PGPEP1L: variants seen among roughly 807,000 people sequenced by gnomAD.
PGPEP1L encodes the protein pyroglutamyl-peptidase 1-like protein.
In PGPEP1L, 7 loss-of-function variants were observed where a neutral mutation model predicts 6.0. The observed-to-expected ratio is 1.17, with a 90% CI of 0.66 to 2.19. The LOEUF is 2.19. Among genes scored for constraint, PGPEP1L ranks in the 30% most tolerant of loss-of-function variants. PGPEP1L has a pLI of 0.00. For synonymous variants in PGPEP1L, 103 were observed against 83.9 expected (o/e 1.23, Z -1.24); for missense variants, 209 against 192.5 (o/e 1.09, Z -0.51).
rs1422795039 is a variant in PGPEP1L, at chr15:98,987,186, AAAAAAAAAAG to A, written c.-141-16038_-141-16029del. 5.7e-4 allele frequency among the ~76,000 whole-genome samples: 85 copies of A among 150,432 alleles called. 1 individual carries two copies. Among genetic ancestry groups the A allele is most frequent in the African/African-American group, 1.9e-3 (77 of 40,374 alleles). ...ATCTCAAAAAAAAAAAAAAAAAAAAAAAAAAAAAAGAGAGCCAATTTAATTTTTGATATTC... is the reference window on the plus strand; with the variant it reads ...ATCTCAAAAAAAAAAAAAAAAAAAAAAGAGCCAATTTAATTTTTGATATTC... On this transcript the variant is annotated intron_variant, in intron 2 of 4. Transcript: ENST00000535714.
At chr15:98,982,700 C>CTTTTTTTTGTTTTTTTTTTTTTTTT (rs2017682979) in intron 2 of PGPEP1L, among the ~76,000 whole-genome samples, 1 of 52,458 alleles carries the variant, frequency 1.9e-5, no homozygotes, top group Non-Finnish European at 4.2e-5. Flanking sequence ...TTATCTGAGG[C>CTTTTTTTTGTTTTTTTTTTTTTTTT]TTTTTTTTTT....
chr15:99,004,546 C>T (rs2018020514), intron 2 of PGPEP1L, among the ~76,000 whole-genome samples: 1 of 152,012 alleles, frequency 6.6e-6, no homozygotes, highest in African/African-American at 2.4e-5. Context: ...GGTGAAACCC[C>T]ATCTCTACTA....
chr15:98,969,662 G>T lies in PGPEP1L; in HGVS notation c.-18-11C>A. On this transcript the variant is annotated splice_polypyrimidine_tract_variant and intron_variant, in intron 3 of 4. Coordinates refer to ENST00000535714, the MANE Select transcript of PGPEP1L (RefSeq NM_001167902.2). ...CACATGCACGACGAGCTGTGTGAAC[G>T]GGTAACAGCAGAGAGAACCCAGGAA... 2 of 1,608,004 alleles carry T rather than the reference G, an allele frequency of 1.2e-6. No homozygotes were observed.
rs1423796436 is a variant in PGPEP1L at position 98,971,212 on chromosome 15, G to A, written c.-141-54C>T. 8 of 410,216 alleles carry A rather than the reference G, an allele frequency of 2.0e-5. 1 individual carries two copies. Among genetic ancestry groups the A allele is most frequent in the East Asian group, 4.7e-5 (1 of 21,324 alleles). The allele number at this position is 410,216 out of a possible 1,614,324, so 25.4% of individuals were successfully genotyped here. ...CAGTTGATGGGGGGGGGGGGGGGGT[G>A]GGCACCAAGAGTCCCTGAAAACCCA... is the stretch of plus-strand genomic sequence containing the variant. On this transcript the variant is annotated intron_variant, in intron 2 of 4. Coordinates refer to ENST00000535714, the MANE Select transcript of PGPEP1L (RefSeq NM_001167902.2).
chr15:99,007,000 G>A (rs1437009757), intron 1 of PGPEP1L, among the ~76,000 whole-genome samples: 1 of 152,090 alleles, frequency 6.6e-6, no homozygotes, highest in Non-Finnish European at 1.5e-5. Context: ...GGCTCCATCT[G>A]CTGAATTGTC....
intron 1 of PGPEP1L, among the ~76,000 whole-genome samples, chr15:99,006,777 GAC>G (rs1455932188): frequency 6.7e-6 from 1 of 150,044 alleles, no homozygotes; most frequent in African/African-American, 2.5e-5. Flanking sequence ...CACCCTGGGT[GAC>G]AGAGTGAGAC....
At chr15:99,006,359 CCTT>C (rs2018061815) in intron 1 of PGPEP1L, among the ~76,000 whole-genome samples, 1 of 152,238 alleles carries the variant, frequency 6.6e-6, no homozygotes, top group Non-Finnish European at 1.5e-5. Context: ...GTGCTGGACT[CCTT>C]AAACATGCCA....
At chr15:98,990,421 A>C (rs781885290) in intron 2 of PGPEP1L, among the ~76,000 whole-genome samples, 23 of 152,234 alleles carry the variant, frequency 1.5e-4, no homozygotes, top group Admixed American at 8.5e-4. Context: ...AACCATCTTA[A>C]ATACATATGC....
At chr15:98,979,946 C>T (rs766629756) in intron 2 of PGPEP1L, among the ~76,000 whole-genome samples, 11 of 152,128 alleles carry the variant, frequency 7.2e-5, no homozygotes, top group Non-Finnish European at 1.5e-4. Flanking sequence ...GAAAACCAAA[C>T]ACCATATGTC....
At chr15:98,983,667 G>C (rs1455739578) in intron 2 of PGPEP1L, among the ~76,000 whole-genome samples, 2 of 152,196 alleles carry the variant, frequency 1.3e-5, no homozygotes, top group Non-Finnish European at 2.9e-5. Flanking sequence ...TGTAAAACTT[G>C]AGACTAAGAA....
At chr15:98,981,507 CAA>C in intron 2 of PGPEP1L, among the ~76,000 whole-genome samples, 1 of 128,888 alleles carries the variant, frequency 7.8e-6, no homozygotes, top group African/African-American at 3.1e-5. Flanking sequence ...AAAAAAAAAA[CAA>C]AAACAAAACA....
At chr15:98,993,631 G>C (rs1242815021) in intron 2 of PGPEP1L, among the ~76,000 whole-genome samples, 1 of 149,196 alleles carries the variant, frequency 6.7e-6, no homozygotes, top group Non-Finnish European at 1.5e-5. Flanking sequence ...GAGAACACAT[G>C]GACACAGGGG....
chr15:99,004,443 G>A (rs578113734), intron 2 of PGPEP1L, among the ~76,000 whole-genome samples: 74 of 151,496 alleles, frequency 4.9e-4, no homozygotes, highest in African/African-American at 1.4e-3. Flanking sequence ...AATAGGGCCA[G>A]GCGCAGTGGC....
intron 2 of PGPEP1L, among the ~76,000 whole-genome samples, chr15:98,995,701 A>G (rs2017878228): frequency 6.6e-6 from 1 of 152,190 alleles, no homozygotes; most frequent in South Asian, 2.1e-4. Flanking sequence ...GTCTCTAAAT[A>G]AACTCTACAA....
At chr15:98,980,342 G>C (rs757338540) in intron 2 of PGPEP1L, among the ~76,000 whole-genome samples, 60 of 152,314 alleles carry the variant, frequency 3.9e-4, no homozygotes, top group Non-Finnish European at 6.5e-4. Context: ...AAGGGAGGAG[G>C]GGGGAGGAAA....
intron 2 of PGPEP1L, among the ~76,000 whole-genome samples, chr15:98,976,180 CACTT>C (rs1011489597): frequency 2.1e-4 from 32 of 152,168 alleles, no homozygotes; most frequent in Admixed American, 1.2e-3. Context: ...TACTTAATGC[CACTT>C]ACTTGTACAC....
intron 2 of PGPEP1L, among the ~76,000 whole-genome samples, chr15:98,999,384 G>A (rs1294557853): frequency 6.6e-6 from 1 of 152,224 alleles, no homozygotes; most frequent in African/African-American, 2.4e-5. Flanking sequence ...TGGATGAGAT[G>A]TCACAGCACA....
chr15:98,984,638 CTT>C (rs142576954), intron 2 of PGPEP1L, among the ~76,000 whole-genome samples: 4,280 of 152,202 alleles, frequency 0.028, 210 homozygotes, highest in African/African-American at 0.095. Flanking sequence ...ACTATGGACA[CTT>C]TTGGCTGTAT....
chr15:98,970,923 C>T lies in PGPEP1L; in HGVS notation c.-19+113G>A, dbSNP rs531352459. ...CTGGGACCTTGCATGACTGGTGGGG[C>T]CTGGGGACGGGGTGCCCCTCAACCA... On this transcript the variant is annotated intron_variant, in intron 3 of 4. Coordinates refer to ENST00000535714, the MANE Select transcript of PGPEP1L (RefSeq NM_001167902.2). 3.3e-5 allele frequency: 48 copies of T among 1,472,778 alleles called. No homozygotes were observed. The African/African-American group carries it at 5.5e-4, about 17-fold the overall frequency. 91.2% of individuals were successfully genotyped at this position (1,472,778 alleles called of 1,614,324 possible).
Sources: gnomAD v4.1 joint callset for allele counts (sites outside exome capture counted in the v4.1 genomes callset) on GRCh38, gnomAD v4.1.1 for gene constraint, MANE v1.5 for transcripts, NCBI Gene and HGNC (gene_info 2026-07-23, HGNC 2026-07-21) for gene names.